Variants in STRN4 observed in about 807,000 individuals in gnomAD.
STRN4 encodes striatin 4, also known as striatin-4.
In STRN4, 27 loss-of-function variants were observed where a neutral mutation model predicts 77.9. That is an observed-to-expected ratio of 0.35 (90% CI 0.26 to 0.48). STRN4 has a LOEUF of 0.48. Among genes scored for constraint, STRN4 ranks in the 20% least tolerant of loss-of-function variants. STRN4 has a pLI of 0.99. For missense variants in STRN4, 798 were observed against 1,049.7 expected (o/e 0.76, Z 3.31); for synonymous variants, 466 against 443.1 (o/e 1.05, Z -0.65).
chr19:46,720,908 C>T, intron 16 of STRN4, 137 bp from the exon 17 acceptor site: 1 of 1,064,050 alleles, frequency 9.4e-7, no homozygotes, highest in Non-Finnish European at 1.3e-6. Flanking sequence ...CTCTGCTCAT[C>T]ACCTCCTGTG....
Position 46,722,897 on chromosome 19 carries a change from C to G in STRN4, c.1819G>C (p.Val607Leu). 1 of 1,613,998 alleles carries G rather than the reference C, an allele frequency of 6.2e-7. No individual in the cohort carries two copies. The highest frequency in any genetic ancestry group is 8.5e-7 in the Non-Finnish European group (1 of 1,180,034). The change falls in exon 14 of 18, where the codon GTG (valine) becomes CTG (leucine). Residue 607 changes from valine to leucine, a missense_variant. Physicochemically the swap from Val to Leu is conservative, Grantham distance 32. Around this residue, in one of 2 missense-constraint regions of STRN4, gnomAD observed 287 missense variants for 473.8 expected, o/e 0.61. Coordinates refer to ENST00000263280, the MANE Select transcript of STRN4 (RefSeq NM_013403.3). ...AFTSTEPAHIVASFRSGDTVL... is the reference protein window; with the variant it reads ...AFTSTEPAHILASFRSGDTVL... ...GTGTCGCCAGAGCGGAAGGAGGCCA[C>G]GATGTGGGCAGGCTCGGTGCTGGTG... is the stretch of plus-strand genomic sequence containing the variant.
intron 1 of STRN4, 147 bp downstream of exon 1, chr19:46,746,002 G>GC (rs2054586511): frequency 7.7e-6 from 8 of 1,038,034 alleles, no homozygotes; most frequent in Non-Finnish European, 1.0e-5. Flanking sequence ...CCCCTCACTC[G>GC]CCCTCCGGGA....
At chr19:46,735,231 G>A (rs529874540) in intron 4 of STRN4, among the ~76,000 whole-genome samples, 18 of 152,160 alleles carry the variant, frequency 1.2e-4, no homozygotes, top group Admixed American at 3.3e-4. Context: ...ACTTGAACCC[G>A]GGAGGCAGAG....
chr19:46,725,763 T>G, intron 9 of STRN4, 115 bp from the exon 10 acceptor site: 1 of 1,351,712 alleles, frequency 7.4e-7, no homozygotes. Context: ...CTGGCAGGAA[T>G]GCCCTCAGAG....
rs534354563 is a variant in STRN4 at position 46,742,799 on chromosome 19, G to A, written c.282+3350C>T. Among the ~76,000 whole-genome samples, 10 of 152,322 alleles carry A rather than the reference G, an allele frequency of 6.6e-5. No individual in the cohort carries two copies. In the South Asian group the frequency reaches 1.4e-3, roughly 22 times the overall value. ...GCTGGTCTTGAACTCCAGACCTTGT[G>A]ATCCACCTGCCTTGGCCTCTCAAAG... On this transcript the variant is annotated intron_variant, in intron 1 of 17. Transcript: ENST00000263280.
chr19:46,723,670 G>T lies in STRN4; in HGVS notation c.1595-386C>A, dbSNP rs535632963. On this transcript the variant is annotated intron_variant, in intron 12 of 17. Coordinates refer to ENST00000263280, the MANE Select transcript of STRN4 (RefSeq NM_013403.3). The surrounding 1 kb of genome is among the most constrained non-coding windows in gnomAD (Gnocchi z 5.5). ...CTGGACAAGGGTTGGTCCCAACCCT[G>T]GCCCGAGCAGTCTTTTCAGCCCATG... 3.3e-4 allele frequency among the ~76,000 whole-genome samples: 50 copies of T among 152,332 alleles called. No individual in the cohort carries two copies. The highest frequency in any genetic ancestry group is 1.2e-3 in the African/African-American group (49 of 41,580).
In STRN4 at chr19:46,741,943, T is replaced by C. The variant is rs2122395904; in HGVS notation, c.283-3055A>G. 6.6e-6 allele frequency among the ~76,000 whole-genome samples: 1 copy of C among 152,278 alleles called. No individual in the cohort carries two copies. The highest frequency in any genetic ancestry group is 1.5e-5 in the Non-Finnish European group (1 of 68,010). On this transcript the variant is annotated intron_variant, in intron 1 of 17. Coordinates refer to ENST00000263280, the MANE Select transcript of STRN4 (RefSeq NM_013403.3). The surrounding 1 kb of genome is among the most constrained non-coding windows in gnomAD (Gnocchi z 4.9). The stretch of plus-strand genomic sequence containing the variant: ...AAGTGGGCAGGGGCAGCTCCGCACA[T>C]TCTCTGCTGGCACCGCACTCACTGC...
In STRN4 at chr19:46,733,009, G is replaced by A. The variant is rs1026654673; in HGVS notation, c.737+30C>T. On this transcript the variant is annotated intron_variant, in intron 5 of 17. Coordinates refer to ENST00000263280, the MANE Select transcript of STRN4 (RefSeq NM_013403.3). This position sits in a 1 kb window ranked among gnomAD's most constrained non-coding sequence, Gnocchi z 4.3. The stretch of plus-strand genomic sequence containing the variant: ...TTCACCAGCAGTCAGGAGGAACAGA[G>A]AGACACACCTGCCATGTCCACGGGC... 6 of 1,589,458 alleles carry A rather than the reference G, an allele frequency of 3.8e-6. No homozygotes were observed. Among genetic ancestry groups the A allele is most frequent in the Non-Finnish European group, 5.2e-6 (6 of 1,162,684 alleles).
intron 8 of STRN4, 50 bp from the exon 9 acceptor site, chr19:46,727,596 A>G: frequency 1.3e-6 from 2 of 1,494,692 alleles, no homozygotes; most frequent in Non-Finnish European, 1.9e-6. Flanking sequence ...GGAGGGGCAG[A>G]GAGGGCCAGG....
chr19:46,722,743 C>A, intron 14 of STRN4, 67 bp downstream of exon 14: 1 of 1,594,022 alleles, frequency 6.3e-7, no homozygotes, highest in South Asian at 1.1e-5. Context: ...GTCGCCAAAG[C>A]CCCAGGAGGA....
chr19:46,725,301 G>C (rs781263228), intron 11 of STRN4, 31 bp downstream of exon 11: 1 of 1,613,988 alleles, frequency 6.2e-7, no homozygotes, highest in Non-Finnish European at 8.5e-7. Flanking sequence ...TTTAGGACGA[G>C]TTTCTAGCAG....
At position 46,722,353 on chromosome 19, in the gene STRN4, G is replaced by A. The variant is rs373232780; in HGVS notation, c.1907-13C>T. 103 of 1,611,704 alleles carry A rather than the reference G, an allele frequency of 6.4e-5. No individual in the cohort carries two copies. The highest frequency in any genetic ancestry group is 8.1e-5 in the Non-Finnish European group (95 of 1,178,024). On this transcript the variant is annotated splice_polypyrimidine_tract_variant and intron_variant, in intron 14 of 17. Transcript: ENST00000263280. ...ATCTGGGTTGGACCTGAAGGAAAAC[G>A]CAGGAAGAGGGAAGGATGTCAAGCA...
At chr19:46,744,966 G>C (rs1260681762) in intron 1 of STRN4, among the ~76,000 whole-genome samples, 2 of 151,860 alleles carry the variant, frequency 1.3e-5, no homozygotes, top group African/African-American at 4.8e-5. Flanking sequence ...CAACATCCCT[G>C]TCCCAAGCTA....
In STRN4 at chr19:46,738,845, T is replaced by C. The variant is rs777880381; in HGVS notation, c.326A>G (p.Asn109Ser). The C allele has an allele frequency of 4.3e-6, 7 of 1,614,158 alleles. No individual in the cohort carries two copies. The South Asian group carries it at 6.6e-5, about 15-fold the overall frequency. ...CCGCCGCACCAGGTCCGTCTTTAGA[T>C]TCTCCTGCCCTTTCCTCTCTCCCTG... Reference protein sequence around the residue: ...FLQGERKGQENLKTDLVRRIK... With the variant: ...FLQGERKGQESLKTDLVRRIK... The change falls in exon 2 of 18, where the codon AAT (asparagine) becomes AGT (serine). Residue 109 changes from asparagine to serine, a missense_variant. Asn to Ser is a conservative substitution (Grantham distance 46, BLOSUM62 1). Coordinates refer to ENST00000263280, the MANE Select transcript of STRN4 (RefSeq NM_013403.3). This position sits in a 1 kb window ranked among gnomAD's most constrained non-coding sequence, Gnocchi z 4.5.
At position 46,728,705 on chromosome 19, in the gene STRN4, C is replaced by G; in HGVS notation, c.952G>C (p.Glu318Gln). ...TCTCCTGAGCCCAGGAAATCAAACT[C>G]ATTGATAGCATCCTCAGAGTCGTCT... ...EEDDSEDAINEFDFLGSGEDG... is the reference protein window; with the variant it reads ...EEDDSEDAINQFDFLGSGEDG... The change falls in exon 7 of 18, where the codon GAG (glutamate) becomes CAG (glutamine). Residue 318 changes from glutamate to glutamine, a missense_variant. By Grantham distance (29) the Glu-to-Gln change is conservative (BLOSUM62 2). Transcript: ENST00000263280. The G allele has an allele frequency of 6.2e-7, 1 of 1,614,208 alleles. No homozygotes were observed. The highest frequency in any genetic ancestry group is 8.5e-7 in the Non-Finnish European group (1 of 1,180,020).
At chr19:46,724,744 T>TGC (rs1415758226) in intron 12 of STRN4, 63 bp downstream of exon 12, 2 of 1,610,306 alleles carry the variant, frequency 1.2e-6, no homozygotes, top group Admixed American at 3.3e-5. Context: ...GACGTGTGTG[T>TGC]GCGTGGAGGG....
chr19:46,722,859 G>A lies in STRN4; in HGVS notation c.1857C>T (p.Asp619=). Residue 619 remains aspartate (D), a synonymous_variant, in exon 14 of 18, where the codon GAC becomes GAT. Coordinates refer to ENST00000263280, the MANE Select transcript of STRN4 (RefSeq NM_013403.3). The part of the protein sequence containing the change: ...SFRSGDTVLY[D]MEVGSALLTL... ...TGAGGAGGGCACTGCCAACCTCCAT[G>A]TCATACAAGACGGTGTCGCCAGAGC... 4 of 1,613,978 alleles carry A rather than the reference G, an allele frequency of 2.5e-6. No homozygotes were observed. Among genetic ancestry groups the A allele is most frequent in the Non-Finnish European group, 3.4e-6 (4 of 1,180,048 alleles).
At chr19:46,734,960 G>A (rs932851070) in intron 4 of STRN4, among the ~76,000 whole-genome samples, 14 of 152,010 alleles carry the variant, frequency 9.2e-5, no homozygotes, top group Admixed American at 3.3e-4. Flanking sequence ...TACTGCACCC[G>A]GCCGATGTTT....
chr19:46,725,508 C>T lies in STRN4; in HGVS notation c.1389G>A (p.Lys463=). The change falls in exon 10 of 18, where the codon AAG becomes AAA. Residue 463 remains lysine (K), a synonymous_variant. Transcript: ENST00000263280. The part of the protein sequence containing the change: ...LLTASEDGTL[K]LWNLQKAVTA... ...TGACCGCCTTCTGCAGGTTCCAGAG[C>T]TTGAGCGTGCCGTCCTCGGAGGCGG... The T allele has an allele frequency of 6.2e-7, 1 of 1,614,168 alleles. No homozygotes were observed. Among genetic ancestry groups the T allele is most frequent in the Non-Finnish European group, 8.5e-7 (1 of 1,180,028 alleles).
Sources: allele counts gnomAD v4.1 joint callset (sites outside exome capture counted in the v4.1 genomes callset), GRCh38; gene constraint gnomAD v4.1.1; regional missense constraint gnomAD v4.1.1; non-coding constraint Gnocchi (gnomAD v3.1); transcripts MANE v1.5; gene names NCBI Gene and HGNC (gene_info 2026-07-23, HGNC 2026-07-21).